Variants in TBC1D9B observed in about 807,000 individuals in gnomAD.
TBC1D9B encodes the protein TBC1 domain family, member 9B (with GRAM domain).
Under a neutral mutation model 121.1 loss-of-function variants are expected in TBC1D9B, and 87 were observed. The ratio of observed to expected loss-of-function variants is 0.72; its 90% confidence interval spans 0.60 to 0.86. TBC1D9B has a LOEUF of 0.86. TBC1D9B is among the 40% of genes least tolerant of loss of function. The probability of loss-of-function intolerance (pLI) is 0.00; values close to 1 mark genes in which losing one functional copy is unlikely to be tolerated. For synonymous variants in TBC1D9B, 668 were observed against 670.1 expected (o/e 1.00, Z 0.05); for missense variants, 1,540 against 1,628.6 (o/e 0.95, Z 0.94).
intron 10 of TBC1D9B, 87 bp from the exon 11 acceptor site, chr5:179,876,124 C>T: frequency 5.1e-6 from 5 of 989,538 alleles, no homozygotes; most frequent in Non-Finnish European, 7.5e-6. Context: ...AGCCACCCCT[C>T]CCTGCAAGGG....
chr5:179,867,579 G>C (rs757305919), intron 18 of TBC1D9B, 199 bp downstream of exon 18: 9 of 1,524,800 alleles, frequency 5.9e-6, no homozygotes, highest in African/African-American at 1.4e-5. Flanking sequence ...AGAGAAACAG[G>C]AGTGAGGACA....
At position 179,865,158 on chromosome 5, in the gene TBC1D9B, A is replaced by T; in HGVS notation, c.3021+96T>A. ...GAGGCAGGGAGGAGCCTTCCCACCC[A>T]CCAGGAGATGCTGCAGTGCAGGTGC... On this transcript the variant is annotated intron_variant, in intron 20 of 20. Transcript: ENST00000355235. This position sits in a 1 kb window ranked among gnomAD's most constrained non-coding sequence, Gnocchi z 5.1. The T allele has an allele frequency of 5.0e-6, 6 of 1,189,830 alleles. No individual in the cohort carries two copies. Among genetic ancestry groups the T allele is most frequent in the Non-Finnish European group, 7.5e-6 (6 of 803,000 alleles). 73.7% of individuals were successfully genotyped at this position (1,189,830 alleles called of 1,614,324 possible). A position where few individuals can be genotyped will look rare whatever the true frequency, so the allele number is the denominator to read the frequency against.
chr5:179,903,375 G>T (rs1761215876), intron 2 of TBC1D9B, among the ~76,000 whole-genome samples: 1 of 152,218 alleles, frequency 6.6e-6, no homozygotes, highest in Non-Finnish European at 1.5e-5. Context: ...AACCCAGCAG[G>T]TACCCGCTGA....
Position 179,902,941 on chromosome 5 carries a change from C to A in TBC1D9B, c.229+1761G>T, listed in dbSNP as rs758316963. Among the ~76,000 whole-genome samples the A allele has an allele frequency of 1.3e-5, 2 of 152,164 alleles. No individual in the cohort carries two copies. The highest frequency in any genetic ancestry group is 2.4e-5 in the African/African-American group (1 of 41,438). The stretch of plus-strand genomic sequence containing the variant: ...TATTCAGTCCTGCAAAGGAGAAGGG[C>A]ACTGCTGGTCAGGATGCCCGTGCAG... On this transcript the variant is annotated intron_variant, in intron 2 of 20. Transcript: ENST00000355235. This position sits in a 1 kb window ranked among gnomAD's most constrained non-coding sequence, Gnocchi z 4.9.
intron 7 of TBC1D9B, among the ~76,000 whole-genome samples, chr5:179,882,296 G>C (rs1334474374): frequency 6.6e-6 from 1 of 152,124 alleles, no homozygotes; most frequent in African/African-American, 2.4e-5. Context: ...TCCATCATCA[G>C]AGATTATAAC....
At chr5:179,896,988 C>G (rs947410343) in intron 3 of TBC1D9B, among the ~76,000 whole-genome samples, 5 of 152,106 alleles carry the variant, frequency 3.3e-5, no homozygotes, top group Admixed American at 6.6e-5. Flanking sequence ...CTCACTGCAA[C>G]CTCCGCCTCC....
rs748223904 is a variant in TBC1D9B at position 179,894,626 on chromosome 5, C to A, written c.349-12G>T. On this transcript the variant is annotated splice_polypyrimidine_tract_variant and intron_variant, in intron 3 of 20. Coordinates refer to ENST00000355235, the MANE Select transcript of TBC1D9B (RefSeq NM_015043.4). Reference sequence around the variant, plus strand: ...TCTGCGATGATTCCCTGGAGGAAGGCAAGAGGACAAGGGCTTGCCCTGCAC... The same window carrying A: ...TCTGCGATGATTCCCTGGAGGAAGGAAAGAGGACAAGGGCTTGCCCTGCAC... 3.1e-6 allele frequency: 5 copies of A among 1,613,770 alleles called. No homozygotes were observed. Among genetic ancestry groups the A allele is most frequent in the Middle Eastern group, 1.6e-4 (1 of 6,084 alleles).
At position 179,890,449 on chromosome 5, in the gene TBC1D9B, C is replaced by T. The variant is rs906157370; in HGVS notation, c.1044+930G>A. Reference sequence around the variant, plus strand: ...AGTGCCCCGGACAGATCCACAGGGCCCTGGTGCTAACAGAATGTGGGGTTC... The same window carrying T: ...AGTGCCCCGGACAGATCCACAGGGCTCTGGTGCTAACAGAATGTGGGGTTC... On this transcript the variant is annotated intron_variant, in intron 6 of 20. Transcript: ENST00000355235. This position sits in a 1 kb window ranked among gnomAD's most constrained non-coding sequence, Gnocchi z 5.0. Among the ~76,000 whole-genome samples the T allele has an allele frequency of 6.6e-6, 1 of 152,192 alleles. No individual in the cohort carries two copies. Among genetic ancestry groups the T allele is most frequent in the African/African-American group, 2.4e-5 (1 of 41,438 alleles).
chr5:179,899,521 G>C (rs1046057580), intron 2 of TBC1D9B, among the ~76,000 whole-genome samples: 3 of 152,208 alleles, frequency 2.0e-5, no homozygotes, highest in African/African-American at 7.2e-5. Context: ...CGTCCAGGCT[G>C]AATCACAGTC....
intron 2 of TBC1D9B, among the ~76,000 whole-genome samples, chr5:179,903,860 C>G (rs967109198): frequency 6.6e-6 from 1 of 152,152 alleles, no homozygotes. Flanking sequence ...GAACAGGACA[C>G]GTGAGTGCAG....
chr5:179,872,800 G>A, intron 14 of TBC1D9B, 92 bp downstream of exon 14: 1 of 1,225,852 alleles, frequency 8.2e-7, no homozygotes, highest in Non-Finnish European at 1.2e-6. Context: ...AGGAGACTGG[G>A]TGCGGTGGAG....
intron 7 of TBC1D9B, chr5:179,887,865 G>T: frequency 1.7e-6 from 1 of 580,944 alleles, no homozygotes; most frequent in Non-Finnish European, 3.0e-6. Context: ...TTCCTCATGG[G>T]CAATGGGCCC....
At position 179,907,631 on chromosome 5, in the gene TBC1D9B, C is replaced by T. The variant is rs371855129; in HGVS notation, c.118+73G>A. ...AGGCCGGGCCGGAACCGGACCCGCC[C>T]GCCGCCCGCCGCCAGCCCCGCCGCC... On this transcript the variant is annotated intron_variant, in intron 1 of 20. Transcript: ENST00000355235. The surrounding 1 kb of genome is among the most constrained non-coding windows in gnomAD (Gnocchi z 5.3). 5,919 of 835,172 alleles carry T rather than the reference C, an allele frequency of 7.1e-3. 31 individuals are homozygous for T. The highest frequency in any genetic ancestry group is 0.027 in the South Asian group (512 of 19,184). 51.7% of individuals were successfully genotyped at this position (835,172 alleles called of 1,614,324 possible). A position where few individuals can be genotyped will look rare whatever the true frequency, so the allele number is the denominator to read the frequency against.
At chr5:179,872,316 G>C (rs1760227412) in intron 14 of TBC1D9B, 1 of 156,940 alleles carries the variant, frequency 6.4e-6, no homozygotes. Flanking sequence ...GCCAGCCAAT[G>C]CTCCTGTACT....
intron 7 of TBC1D9B, among the ~76,000 whole-genome samples, chr5:179,882,676 C>T (rs1760573964): frequency 6.6e-6 from 1 of 152,192 alleles, no homozygotes; most frequent in Non-Finnish European, 1.5e-5. Flanking sequence ...AAATCTCAAC[C>T]CCATCTCTAC....
In TBC1D9B at chr5:179,879,051, G is replaced by A; in HGVS notation, c.1563C>T (p.Phe521=). 2 of 1,602,120 alleles carry A rather than the reference G, an allele frequency of 1.2e-6. No homozygotes were observed. Among genetic ancestry groups the A allele is most frequent in the Non-Finnish European group, 1.7e-6 (2 of 1,179,812 alleles). ...GGGTGGCTGCACCCCACTCACCGGA[G>A]AAGAGGAGCCACAGCTCTCCCCGGA... ...ESLRGELWLL[F]SGAWNEMVTH... is the part of the protein sequence containing the mutation. The change falls in exon 9 of 21, where the codon TTC becomes TTT. Residue 521 remains phenylalanine, a synonymous_variant. Coordinates refer to ENST00000355235, the MANE Select transcript of TBC1D9B (RefSeq NM_015043.4).
rs747439498 is a variant in TBC1D9B, at chr5:179,891,424, G to C, written c.999C>G (p.Ala333=). 6.2e-7 allele frequency: 1 copy of C among 1,614,250 alleles called. No individual in the cohort carries two copies. The highest frequency in any genetic ancestry group is 1.7e-5 in the Admixed American group (1 of 60,032). ...GGTGGCAAGCGTCCTCCTCCTTGCT[G>C]GCGAAGCAGATGTAGTTGTTGGAGA... The part of the protein sequence containing the change: ...MFISNNYICF[A]SKEEDACHLI... The change falls in exon 6 of 21, where the codon GCC becomes GCG. Residue 333 remains alanine (A), a synonymous_variant. Coordinates refer to ENST00000355235, the MANE Select transcript of TBC1D9B (RefSeq NM_015043.4). The surrounding 1 kb of genome is among the most constrained non-coding windows in gnomAD (Gnocchi z 4.3).
At position 179,879,147 on chromosome 5, in the gene TBC1D9B, G is replaced by A. The variant is rs200885741; in HGVS notation, c.1467C>T (p.Tyr489=). The A allele has an allele frequency of 3.2e-4, 517 of 1,606,412 alleles. No individual in the cohort carries two copies. The highest frequency in any genetic ancestry group is 3.6e-4 in the Non-Finnish European group (430 of 1,179,562). ...EESWHIHFFE[Y]GRGVCMYRTA... ...TGCGGTACATGCACACGCCACGCCC[G>A]TACTCGAAGAAGTGGATGTGCCATG... Residue 489 remains tyrosine, a synonymous_variant, in exon 9 of 21, where the codon TAC becomes TAT. Transcript: ENST00000355235.
chr5:179,883,003 C>G (rs1385310249), intron 7 of TBC1D9B, among the ~76,000 whole-genome samples: 1 of 152,116 alleles, frequency 6.6e-6, no homozygotes, highest in Non-Finnish European at 1.5e-5. Flanking sequence ...TGATTCCAGG[C>G]ATGTGCCACT....
Sources: gnomAD v4.1 joint callset for allele counts (sites outside exome capture counted in the v4.1 genomes callset) on GRCh38, gnomAD v4.1.1 for gene constraint, Gnocchi (gnomAD v3.1) non-coding constraint, MANE v1.5 for transcripts, NCBI Gene and HGNC (gene_info 2026-07-23, HGNC 2026-07-21) for gene names.